Variants in WDR25 observed in about 807,000 individuals in gnomAD.
The protein encoded by WDR25 is WD repeat-containing protein 25.
WDR25 carries 35 observed loss-of-function variants against 47.7 expected under a neutral mutation model. That is an observed-to-expected ratio of 0.73 (90% CI 0.56 to 0.97). The LOEUF is 0.97. Among genes scored for constraint, WDR25 ranks in the 50% least tolerant of loss-of-function variants. The probability of loss-of-function intolerance (pLI) is 0.00; values close to 1 mark genes in which losing one functional copy is unlikely to be tolerated. For missense variants in WDR25, 634 were observed against 704.7 expected (o/e 0.90, Z 1.14); for synonymous variants, 248 against 278.9 (o/e 0.89, Z 1.10).
intron 2 of WDR25, among the ~76,000 whole-genome samples, chr14:100,427,666 T>C (rs2140225019): frequency 6.6e-6 from 1 of 152,368 alleles, no homozygotes; most frequent in Middle Eastern, 3.4e-3. Flanking sequence ...GTTGTATCAC[T>C]TGACATCTTT....
chr14:100,486,199 C>T (rs916889723), intron 4 of WDR25, among the ~76,000 whole-genome samples: 6 of 152,210 alleles, frequency 3.9e-5, no homozygotes, highest in Admixed American at 1.3e-4. Context: ...CTGACAACCA[C>T]GTCCCTTATG....
At chr14:100,380,526 C>T (rs192920417) in intron 1 of WDR25, among the ~76,000 whole-genome samples, 3 of 150,204 alleles carry the variant, frequency 2.0e-5, no homozygotes, top group African/African-American at 7.3e-5. Context: ...CAGAGTCTCG[C>T]TCTTGTTGAC....
chr14:100,459,943 CAT>C (rs369915989), intron 2 of WDR25, among the ~76,000 whole-genome samples: 8,925 of 90,336 alleles, frequency 0.099, 679 homozygotes, highest in Non-Finnish European at 0.14. Context: ...TATATATACA[CAT>C]ACACATACAC....
intron 4 of WDR25, among the ~76,000 whole-genome samples, chr14:100,510,438 A>T (rs1192906857): frequency 1.3e-5 from 2 of 151,554 alleles, no homozygotes; most frequent in Non-Finnish European, 2.9e-5. Flanking sequence ...CGGCTAATTT[A>T]AAAAAAATTT....
chr14:100,463,307 T>C (rs1039153789), intron 2 of WDR25, among the ~76,000 whole-genome samples: 3 of 152,216 alleles, frequency 2.0e-5, no homozygotes, highest in African/African-American at 2.4e-5. Flanking sequence ...GTCACTGAGA[T>C]TGTCAAATCC....
In WDR25 at chr14:100,507,572, A is replaced by T. The variant is rs570874358; in HGVS notation, c.1102-18298A>T. The stretch of plus-strand genomic sequence containing the variant: ...TTTCTATTTGTTTGTGTCGTTTATG[A>T]TTTCTTTCAGCAGTATTTTGTAGTT... On this transcript the variant is annotated intron_variant, in intron 4 of 6. Transcript: ENST00000402312. Among the ~76,000 whole-genome samples, 16 of 149,674 alleles carry T rather than the reference A, an allele frequency of 1.1e-4. 1 individual carries two copies. The East Asian group carries it at 3.1e-3, about 29-fold the overall frequency.
At chr14:100,384,730 G>A (rs1295048927) in intron 2 of WDR25, among the ~76,000 whole-genome samples, 2 of 152,168 alleles carry the variant, frequency 1.3e-5, no homozygotes, top group Non-Finnish European at 1.5e-5. Context: ...AGCTCAAAGA[G>A]GCGGGTGCAG....
chr14:100,509,893 G>A (rs1298474647), intron 4 of WDR25, among the ~76,000 whole-genome samples: 1 of 151,680 alleles, frequency 6.6e-6, no homozygotes, highest in African/African-American at 2.4e-5. Flanking sequence ...ACCTCTCTGT[G>A]GAAATCAATT....
rs569280894 is a variant in WDR25 at position 100,488,209 on chromosome 14, G to A, written c.1101+4085G>A. On this transcript the variant is annotated intron_variant, in intron 4 of 6. Coordinates refer to ENST00000402312, the MANE Select transcript of WDR25 (RefSeq NM_001161476.3). The surrounding 1 kb of genome is among the most constrained non-coding windows in gnomAD (Gnocchi z 4.2). Reference sequence around the variant, plus strand: ...GTGCCTGACTTCATCTCCAGAGGTCGGCAGGATGTGTTCTGCACAAGCCAG... The same window carrying A: ...GTGCCTGACTTCATCTCCAGAGGTCAGCAGGATGTGTTCTGCACAAGCCAG... Among the ~76,000 whole-genome samples, 2 of 152,196 alleles carry A rather than the reference G, an allele frequency of 1.3e-5. No individual in the cohort carries two copies. The highest frequency in any genetic ancestry group is 2.1e-4 in the South Asian group (1 of 4,822).
chr14:100,425,897 G>T lies in WDR25; in HGVS notation c.823-42124G>T, dbSNP rs1256263615. The stretch of plus-strand genomic sequence containing the variant: ...GCTGACCCTCAACATGAGGCAAGGG[G>T]TATTCAGTGGGGCCAGGGCGAGACC... On this transcript the variant is annotated intron_variant, in intron 2 of 6. Transcript: ENST00000402312. This position sits in a 1 kb window ranked among gnomAD's most constrained non-coding sequence, Gnocchi z 4.8. Among the ~76,000 whole-genome samples, 2 of 152,168 alleles carry T rather than the reference G, an allele frequency of 1.3e-5. No individual in the cohort carries two copies. The highest frequency in any genetic ancestry group is 2.4e-5 in the African/African-American group (1 of 41,426).
intron 2 of WDR25, among the ~76,000 whole-genome samples, chr14:100,437,448 G>A (rs1229355818): frequency 6.6e-6 from 1 of 152,024 alleles, no homozygotes; most frequent in Non-Finnish European, 1.5e-5. Context: ...AAAGCCACCC[G>A]AAGCTGGGCT....
intron 4 of WDR25, among the ~76,000 whole-genome samples, chr14:100,511,086 A>G (rs796739763): frequency 6.6e-6 from 1 of 152,288 alleles, no homozygotes; most frequent in African/African-American, 2.4e-5. Context: ...TGAACTTTAA[A>G]TGGTATTGCA....
chr14:100,471,539 C>A (rs757064263), intron 3 of WDR25, among the ~76,000 whole-genome samples: 8 of 152,222 alleles, frequency 5.3e-5, no homozygotes, highest in Non-Finnish European at 8.8e-5. Flanking sequence ...TCCCTTTCTA[C>A]TGGATCTGCC....
At chr14:100,511,884 G>A (rs1901322973) in intron 4 of WDR25, among the ~76,000 whole-genome samples, 1 of 152,018 alleles carries the variant, frequency 6.6e-6, no homozygotes, top group African/African-American at 2.4e-5. Context: ...TTTTTATTCT[G>A]TTAATATGGT....
intron 2 of WDR25, among the ~76,000 whole-genome samples, chr14:100,434,329 C>T (rs912921035): frequency 6.6e-6 from 1 of 152,198 alleles, no homozygotes; most frequent in Admixed American, 6.5e-5. Context: ...GTCACTCCCC[C>T]CTCCAACAGT....
intron 4 of WDR25, among the ~76,000 whole-genome samples, chr14:100,520,011 CTA>C (rs1214240620): frequency 7.0e-6 from 1 of 143,764 alleles, no homozygotes; most frequent in Non-Finnish European, 1.5e-5. Flanking sequence ...TATATGTACA[CTA>C]TATATATACA....
chr14:100,516,562 T>C (rs985567374), intron 4 of WDR25, among the ~76,000 whole-genome samples: 2 of 152,234 alleles, frequency 1.3e-5, no homozygotes, highest in Admixed American at 1.3e-4. Flanking sequence ...GGTATATACA[T>C]ATTTAAGGTT....
rs770786029 is a variant in WDR25, at chr14:100,523,542, A to G, written c.1102-2328A>G. On this transcript the variant is annotated intron_variant, in intron 4 of 6. Coordinates refer to ENST00000402312, the MANE Select transcript of WDR25 (RefSeq NM_001161476.3). This position sits in a 1 kb window ranked among gnomAD's most constrained non-coding sequence, Gnocchi z 4.7. ...CTCAAAAACTAGACCTAGGAAGGGA[A>G]CGAACCTTCCCCAGGCACATAGTAA... Among the ~76,000 whole-genome samples, 9 of 152,104 alleles carry G rather than the reference A, an allele frequency of 5.9e-5. No homozygotes were observed. Among genetic ancestry groups the G allele is most frequent in the Admixed American group, 1.3e-4 (2 of 15,282 alleles).
chr14:100,427,418 A>G (rs1469752178), intron 2 of WDR25, among the ~76,000 whole-genome samples: 1 of 152,110 alleles, frequency 6.6e-6, no homozygotes, highest in Non-Finnish European at 1.5e-5. Flanking sequence ...ACTGCATTGT[A>G]TCCCCAGCTT....
Sources: allele counts gnomAD v4.1 joint callset (sites outside exome capture counted in the v4.1 genomes callset), GRCh38; gene constraint gnomAD v4.1.1; non-coding constraint Gnocchi (gnomAD v3.1); transcripts MANE v1.5; gene names NCBI Gene and HGNC (gene_info 2026-07-23, HGNC 2026-07-21).